Variants in NCAPG2 observed in about 807,000 individuals in gnomAD.
NCAPG2 encodes the protein non-SMC condensin II complex subunit G2.
Under a neutral mutation model 141.1 loss-of-function variants are expected in NCAPG2, and 53 were observed. The ratio of observed to expected loss-of-function variants is 0.38; its 90% CI spans 0.30 to 0.47. NCAPG2 has a LOEUF of 0.47. Ranked by LOEUF, NCAPG2 falls within the 20% of genes least tolerant of loss-of-function variation. The pLI, the probability that NCAPG2 is intolerant of heterozygous loss-of-function variation, is 0.99. For missense variants in NCAPG2, 1,087 were observed against 1,389.0 expected, an observed-to-expected ratio of 0.78 and a Z score of 3.46; for synonymous variants, 499 against 490.7, an observed-to-expected ratio of 1.02 and a Z score of -0.22.
At chr7:158,651,364 T>C (rs953366955) in intron 23 of NCAPG2, among the ~76,000 whole-genome samples, 3 of 152,112 alleles carry the variant, frequency 2.0e-5, no homozygotes, top group Admixed American at 6.5e-5. Flanking sequence ...TTGGCACAAA[T>C]TACATAAAAG....
At chr7:158,681,237 G>A (rs1476469816) in intron 9 of NCAPG2, among the ~76,000 whole-genome samples, 3 of 152,134 alleles carry the variant, frequency 2.0e-5, no homozygotes, top group South Asian at 2.1e-4. Flanking sequence ...CCAACATGTG[G>A]TAACTGTTTC....
At chr7:158,702,324 G>T (rs910503674) in intron 1 of NCAPG2, 1 of 157,098 alleles carries the variant, frequency 6.4e-6, no homozygotes, top group African/African-American at 2.4e-5. Flanking sequence ...AGATTCTGAA[G>T]ATGCTCCCTT....
chr7:158,687,003 T>C (rs975221160), intron 7 of NCAPG2, among the ~76,000 whole-genome samples: 1 of 152,144 alleles, frequency 6.6e-6, no homozygotes, highest in African/African-American at 2.4e-5. Flanking sequence ...CCACAGGCTC[T>C]TCCGAGAAGC....
At chr7:158,669,040 C>T (rs913544156) in intron 13 of NCAPG2, among the ~76,000 whole-genome samples, 1 of 152,198 alleles carries the variant, frequency 6.6e-6, no homozygotes, top group Non-Finnish European at 1.5e-5. Context: ...TCTGTTCCTG[C>T]GTTTGTTTGC....
At chr7:158,665,802 T>C (rs1263869291) in intron 13 of NCAPG2, among the ~76,000 whole-genome samples, 2 of 152,156 alleles carry the variant, frequency 1.3e-5, no homozygotes, top group African/African-American at 4.8e-5. Flanking sequence ...CATGATCTCA[T>C]ACTGCAAATT....
chr7:158,666,515 C>A (rs1832949637), intron 13 of NCAPG2, among the ~76,000 whole-genome samples: 2 of 151,586 alleles, frequency 1.3e-5, no homozygotes, highest in Admixed American at 6.6e-5. Flanking sequence ...AAGAAGCAGG[C>A]TTAGAGTGAT....
At chr7:158,634,196 C>CTA (rs61417451) in intron 27 of NCAPG2, among the ~76,000 whole-genome samples, 87,808 of 151,250 alleles carry the variant, frequency 0.58, 25,724 homozygotes, top group Non-Finnish European at 0.6. Flanking sequence ...CTAAAATCCA[C>CTA]AGATGTTCAA....
At chr7:158,668,239 G>GTGT in intron 13 of NCAPG2, 1 of 72,936 alleles carries the variant, frequency 1.4e-5, no homozygotes, top group Non-Finnish European at 1.5e-5. Flanking sequence ...GGGTCCCTCT[G>GTGT]CCCTCCTTAC....
intron 14 of NCAPG2, 42 bp from the exon 15 acceptor site, chr7:158,664,338 T>C (rs755835375): frequency 7.4e-5 from 115 of 1,560,838 alleles, no homozygotes; most frequent in Non-Finnish European, 8.6e-5. Flanking sequence ...GATGTGTTTC[T>C]TCTACAAAAT....
intron 11 of NCAPG2, among the ~76,000 whole-genome samples, 191 bp downstream of exon 11, chr7:158,679,769 G>T (rs533989347): frequency 1.1e-4 from 16 of 152,280 alleles, no homozygotes; most frequent in Non-Finnish European, 2.1e-4. Context: ...GACACCACAG[G>T]TCCACGCTGT....
chr7:158,657,595 G>A (rs545728393), intron 17 of NCAPG2, among the ~76,000 whole-genome samples: 2 of 152,264 alleles, frequency 1.3e-5, no homozygotes, highest in South Asian at 2.1e-4. Context: ...CTGCCTGGCC[G>A]CCCCTACTGG....
intron 22 of NCAPG2, among the ~76,000 whole-genome samples, chr7:158,652,935 T>A (rs1053193908): frequency 2.0e-5 from 3 of 152,222 alleles, no homozygotes; most frequent in Admixed American, 6.5e-5. Context: ...GTAAATTTTT[T>A]AAATAATAAA....
intron 8 of NCAPG2, 152 bp downstream of exon 8, chr7:158,686,020 T>C (rs1475273570): frequency 2.0e-6 from 1 of 508,368 alleles, no homozygotes; most frequent in Non-Finnish European, 3.5e-6. Context: ...TCTTAGCAAG[T>C]GACTGGATTG....
chr7:158,679,200 G>C (rs1003894182), intron 11 of NCAPG2, among the ~76,000 whole-genome samples: 3 of 152,110 alleles, frequency 2.0e-5, no homozygotes, highest in Admixed American at 6.6e-5. Context: ...TTTTCCATAA[G>C]TTAGAAAAGA....
intron 2 of NCAPG2, among the ~76,000 whole-genome samples, chr7:158,693,972 G>C (rs1044300068): frequency 6.6e-6 from 1 of 152,034 alleles, no homozygotes; most frequent in African/African-American, 2.4e-5. Context: ...ATGACCTCAC[G>C]TACTCTTTGA....
rs925756156 is a variant in NCAPG2, at chr7:158,652,063, T to C, written c.2934+230A>G. Among the ~76,000 whole-genome samples, 11 of 152,200 alleles carry C rather than the reference T, an allele frequency of 7.2e-5. No homozygotes were observed. In the East Asian group the frequency reaches 2.1e-3, roughly 29 times the overall value. Reference sequence around the variant, plus strand: ...TAACAGCTGGAGCTCCTGCCCTTCCTGCCTCCAGCCCATGCACAGGGGTCA... The same window carrying C: ...TAACAGCTGGAGCTCCTGCCCTTCCCGCCTCCAGCCCATGCACAGGGGTCA... On this transcript the variant is annotated intron_variant, in intron 23 of 27. Coordinates refer to ENST00000356309, the MANE Select transcript of NCAPG2 (RefSeq NM_017760.7).
chr7:158,658,739 T>A (rs1406993898), intron 16 of NCAPG2, among the ~76,000 whole-genome samples: 3 of 152,200 alleles, frequency 2.0e-5, no homozygotes, highest in African/African-American at 7.2e-5. Flanking sequence ...GAATTGAATC[T>A]ACTTTAAAAA....
intron 27 of NCAPG2, among the ~76,000 whole-genome samples, chr7:158,643,755 A>G (rs990508471): frequency 1.3e-5 from 2 of 152,194 alleles, no homozygotes; most frequent in African/African-American, 4.8e-5. Context: ...ACAATTCAAA[A>G]CCGAGTCTAT....
At chr7:158,672,292 GTATATATATATATATATA>G (rs1563549335) in intron 12 of NCAPG2, among the ~76,000 whole-genome samples, 3 of 27,228 alleles carry the variant, frequency 1.1e-4, no homozygotes, top group South Asian at 3.4e-3. Flanking sequence ...GTGTGTGTGT[GTATATATATATATATATA>G]TATATATATA....
Sources: allele counts gnomAD v4.1 joint callset (sites outside exome capture counted in the v4.1 genomes callset), GRCh38; gene constraint gnomAD v4.1.1; transcripts MANE v1.5; gene names NCBI Gene and HGNC (gene_info 2026-07-23, HGNC 2026-07-21).